The following SOX5 variants were observed in gnomAD, a reference collection of about 807,000 sequenced individuals.
The protein encoded by SOX5 is SRY-box transcription factor 5.
SOX5 carries 9 observed loss-of-function variants against 92.0 expected under a neutral mutation model. That is an observed-to-expected ratio of 0.10 (90% CI 0.06 to 0.17). SOX5 has a LOEUF of 0.17. Ranked by LOEUF, SOX5 falls within the 10% of genes least tolerant of loss-of-function variation. The pLI is 1.00. For missense variants in SOX5, 642 were observed against 944.5 expected, an observed-to-expected ratio of 0.68 and a Z score of 4.20; for synonymous variants, 344 against 336.3, an observed-to-expected ratio of 1.02 and a Z score of -0.25.
At chr12:23,672,920 T>C (rs1047557328) in intron 6 of SOX5, among the ~76,000 whole-genome samples, 2 of 152,184 alleles carry the variant, frequency 1.3e-5, no homozygotes, top group Non-Finnish European at 2.9e-5. Context: ...TGAAGCATCA[T>C]GTTCTTACAA....
intron 2 of SOX5, among the ~76,000 whole-genome samples, chr12:24,353,027 C>T (rs1954297210): frequency 6.6e-6 from 1 of 152,166 alleles, no homozygotes; most frequent in African/African-American, 2.4e-5. Context: ...CAGAAAGAGC[C>T]TTGTAATGCA....
chr12:23,598,776 G>A (rs1258234142), intron 9 of SOX5, among the ~76,000 whole-genome samples: 2 of 152,078 alleles, frequency 1.3e-5, no homozygotes, highest in African/African-American at 4.8e-5. Context: ...GTTAGTGGTA[G>A]GTAGACTTGG....
At chr12:24,472,045 C>T (rs1035163003) in intron 1 of SOX5, among the ~76,000 whole-genome samples, 53 of 152,222 alleles carry the variant, frequency 3.5e-4, no homozygotes, top group African/African-American at 1.2e-3. Context: ...ACAATGGCAG[C>T]GTTTTTGATC....
chr12:23,569,696 G>A (rs1459387839), intron 10 of SOX5, among the ~76,000 whole-genome samples: 1 of 152,166 alleles, frequency 6.6e-6, no homozygotes, highest in East Asian at 1.9e-4. Flanking sequence ...TGTATCCCAA[G>A]TTTTTCTCTT....
chr12:24,101,736 C>A (rs1946118220), intron 4 of SOX5, among the ~76,000 whole-genome samples: 1 of 152,134 alleles, frequency 6.6e-6, no homozygotes, highest in Admixed American at 6.6e-5. Context: ...CCTGGTTCCT[C>A]CTACTATCCT....
At chr12:24,507,686 T>C (rs1437205177) in intron 1 of SOX5, among the ~76,000 whole-genome samples, 2 of 152,154 alleles carry the variant, frequency 1.3e-5, no homozygotes, top group African/African-American at 2.4e-5. Flanking sequence ...TTAAATAACA[T>C]TGTTATGTAC....
intron 1 of SOX5, among the ~76,000 whole-genome samples, chr12:23,925,802 G>C (rs1216569382): frequency 6.6e-6 from 1 of 152,042 alleles, no homozygotes; most frequent in Admixed American, 6.5e-5. Flanking sequence ...CAAAAGTTAT[G>C]CTGGTATTTG....
intron 3 of SOX5, among the ~76,000 whole-genome samples, chr12:23,798,347 C>T (rs2095601659): frequency 6.6e-6 from 1 of 151,872 alleles, no homozygotes; most frequent in South Asian, 2.1e-4. Context: ...TTTTCTCTTT[C>T]CTATGATTGC....
chr12:24,037,429 G>C (rs1010444939), intron 4 of SOX5, among the ~76,000 whole-genome samples: 1 of 152,038 alleles, frequency 6.6e-6, no homozygotes, highest in Non-Finnish European at 1.5e-5. Flanking sequence ...TGTGAACCAA[G>C]GTATAGACTT....
chr12:24,333,121 AT>A (rs1056717750), intron 2 of SOX5, among the ~76,000 whole-genome samples: 1 of 152,076 alleles, frequency 6.6e-6, no homozygotes, highest in African/African-American at 2.4e-5. Context: ...TTGCAGCCAA[AT>A]TTTTCCCCCA....
At chr12:24,453,466 A>G (rs1200215859) in intron 1 of SOX5, among the ~76,000 whole-genome samples, 3 of 152,048 alleles carry the variant, frequency 2.0e-5, no homozygotes, top group Non-Finnish European at 4.4e-5. Context: ...TTGTTTATTT[A>G]TTTTTCAACT....
intron 3 of SOX5, among the ~76,000 whole-genome samples, chr12:24,273,632 C>A (rs74068483): frequency 0.03 from 4,635 of 152,208 alleles, 251 homozygotes; most frequent in African/African-American, 0.11. Flanking sequence ...TTCCAACAAT[C>A]GGTTTTTTGG....
At chr12:24,533,993 G>A (rs776098674) in intron 1 of SOX5, among the ~76,000 whole-genome samples, 4 of 152,098 alleles carry the variant, frequency 2.6e-5, no homozygotes, top group Admixed American at 6.5e-5. Flanking sequence ...AGGAGGCTCA[G>A]ATCCCAAAGC....
At chr12:24,381,470 GGATT>G (rs932232120) in intron 1 of SOX5, among the ~76,000 whole-genome samples, 61 of 152,048 alleles carry the variant, frequency 4.0e-4, no homozygotes, top group African/African-American at 1.4e-3. Context: ...GTGGTTGTGT[GGATT>G]AATTAAATCA....
At chr12:24,066,303 C>T (rs931009841) in intron 4 of SOX5, among the ~76,000 whole-genome samples, 1 of 152,044 alleles carries the variant, frequency 6.6e-6, no homozygotes, top group Admixed American at 6.5e-5. Flanking sequence ...CATGTAAGTA[C>T]TTGTAAGATG....
intron 12 of SOX5, among the ~76,000 whole-genome samples, chr12:23,545,105 G>T (rs1032509893): frequency 6.6e-6 from 1 of 152,170 alleles, no homozygotes; most frequent in African/African-American, 2.4e-5. Context: ...GTGTTTCAAC[G>T]TTCAGGTTTG....
At chr12:24,373,886 T>C (rs1956983813) in intron 1 of SOX5, among the ~76,000 whole-genome samples, 1 of 152,180 alleles carries the variant, frequency 6.6e-6, no homozygotes, top group Admixed American at 6.5e-5. Flanking sequence ...CAAGAGGAGG[T>C]TGGCCACCCT....
chr12:23,591,036 T>G lies in SOX5; in HGVS notation c.1164+13351A>C, dbSNP rs139168030. Among the ~76,000 whole-genome samples the G allele has an allele frequency of 1.2e-3, 181 of 152,132 alleles. 1 individual carries two copies. The highest frequency in any genetic ancestry group is 4.2e-3 in the African/African-American group (173 of 41,576). On this transcript the variant is annotated intron_variant, in intron 9 of 14. Transcript: ENST00000451604. ...ACTCAAACATATTTTGAAAAAATAT[T>G]TTTTAAAAAATCTTATTTCTTTTTG...
chr12:23,813,806 T>C (rs1252714355), intron 3 of SOX5, among the ~76,000 whole-genome samples: 2 of 152,156 alleles, frequency 1.3e-5, no homozygotes. Flanking sequence ...CTTTAAATAT[T>C]ATAACTATAA....
Sources: allele counts gnomAD v4.1 joint callset (sites outside exome capture counted in the v4.1 genomes callset), GRCh38; gene constraint gnomAD v4.1.1; transcripts MANE v1.5; gene names NCBI Gene and HGNC (gene_info 2026-07-23, HGNC 2026-07-21).